PCDHGB2: variants seen among roughly 807,000 people sequenced by gnomAD.
PCDHGB2 encodes protocadherin gamma subfamily B, 2.
In PCDHGB2, 55 loss-of-function variants were observed where a neutral mutation model predicts 59.3. That is an observed-to-expected ratio of 0.93 (90% CI 0.75 to 1.16). The LOEUF (loss-of-function observed/expected upper bound fraction) is 1.16, where lower values mean the gene tolerates loss of function less well. Among genes scored for constraint, PCDHGB2 ranks in the 50% most tolerant of loss-of-function variants. The probability of loss-of-function intolerance (pLI) is 0.00; values close to 1 mark genes in which losing one functional copy is unlikely to be tolerated. For synonymous variants in PCDHGB2, 516 were observed against 512.0 expected, an observed-to-expected ratio of 1.01 and a Z score of -0.11; for missense variants, 1,228 against 1,198.5, an observed-to-expected ratio of 1.02 and a Z score of -0.36.
At position 141,368,129 on chromosome 5, in the gene PCDHGB2, C is replaced by A. The variant is rs1188754487; in HGVS notation, c.2421+5573C>A. ...TGTTTCTTATTAAAATATTCTTAAT[C>A]CTTCAAATTTTGTACTTTTAAAACC... On this transcript the variant is annotated intron_variant, in intron 1 of 3. Transcript: ENST00000522605. Among the ~76,000 whole-genome samples, 9 of 152,216 alleles carry A rather than the reference C, an allele frequency of 5.9e-5. No individual in the cohort carries two copies. In the South Asian group the frequency reaches 1.2e-3, roughly 21 times the overall value.
intron 1 of PCDHGB2, chr5:141,429,167 TATAC>T (rs1240034860): frequency 7.3e-6 from 1 of 136,106 alleles, no homozygotes; most frequent in African/African-American, 2.9e-5. Flanking sequence ...AGACATTGTT[TATAC>T]ACACACACAC....
chr5:141,430,766 C>T, intron 1 of PCDHGB2: 1 of 1,504,534 alleles, frequency 6.6e-7, no homozygotes, highest in Non-Finnish European at 8.9e-7. Context: ...AAGAATGATT[C>T]CTGCGCGACT....
Position 141,485,979 on chromosome 5 carries a change from C to T in PCDHGB2, c.2422-8828C>T. ...CTCATCCAGCTCAATGCCTCAGACC[C>T]GGACCTGGGTCCCAGTGGTAACGTC... is the stretch of plus-strand genomic sequence containing the variant. On this transcript the variant is annotated intron_variant, in intron 1 of 3. Coordinates refer to ENST00000522605, the MANE Select transcript of PCDHGB2 (RefSeq NM_018923.3). The surrounding 1 kb of genome is among the most constrained non-coding windows in gnomAD (Gnocchi z 5.7). The T allele has an allele frequency of 1.2e-6, 2 of 1,614,182 alleles. No individual in the cohort carries two copies. The highest frequency in any genetic ancestry group is 1.7e-6 in the Non-Finnish European group (2 of 1,180,022).
rs760319541 is a variant in PCDHGB2, at chr5:141,477,772, C to T, written c.2422-17035C>T. 1.2e-6 allele frequency: 2 copies of T among 1,614,026 alleles called. No homozygotes were observed. Among genetic ancestry groups the T allele is most frequent in the South Asian group, 1.1e-5 (1 of 91,088 alleles). ...CCCCGGTCCTAGCCACCAACATCAGCGTGAACATATTTGTCACTGATCGCA... is the reference window on the plus strand; with the variant it reads ...CCCCGGTCCTAGCCACCAACATCAGTGTGAACATATTTGTCACTGATCGCA... On this transcript the variant is annotated intron_variant, in intron 1 of 3. Coordinates refer to ENST00000522605, the MANE Select transcript of PCDHGB2 (RefSeq NM_018923.3). This position sits in a 1 kb window ranked among gnomAD's most constrained non-coding sequence, Gnocchi z 4.9.
intron 1 of PCDHGB2, chr5:141,413,000 A>G: frequency 1.7e-6 from 1 of 587,734 alleles, no homozygotes; most frequent in Admixed American, 3.6e-5. Context: ...CCGGATTCTC[A>G]GGGCTTCAAC....
chr5:141,371,978 C>T, intron 1 of PCDHGB2: 3 of 1,613,240 alleles, frequency 1.9e-6, no homozygotes, highest in Non-Finnish European at 2.5e-6. Context: ...TGCGTGCCTT[C>T]GAGCTCACTC....
intron 1 of PCDHGB2, chr5:141,419,497 G>T (rs1357823931): frequency 9.9e-6 from 16 of 1,612,390 alleles, no homozygotes; most frequent in Non-Finnish European, 1.4e-5. Context: ...GCGCCAATGT[G>T]AGCCTGCGCG....
chr5:141,408,958 T>A, intron 1 of PCDHGB2: 8 of 1,613,670 alleles, frequency 5.0e-6, no homozygotes, highest in Non-Finnish European at 6.8e-6. Flanking sequence ...TTAGTCTTAG[T>A]GAAAATCTGC....
At position 141,476,387 on chromosome 5, in the gene PCDHGB2, C is replaced by T. The variant is rs147660262; in HGVS notation, c.2422-18420C>T. The T allele has an allele frequency of 6.2e-6, 10 of 1,613,958 alleles. No homozygotes were observed. Among genetic ancestry groups the T allele is most frequent in the Non-Finnish European group, 7.6e-6 (9 of 1,180,032 alleles). ...GACCGGAGAGATGTTTGTGAACGAC[C>T]GTCTGGATCGAGAGGAGCTGTGTGG... On this transcript the variant is annotated intron_variant, in intron 1 of 3. Coordinates refer to ENST00000522605, the MANE Select transcript of PCDHGB2 (RefSeq NM_018923.3). This position sits in a 1 kb window ranked among gnomAD's most constrained non-coding sequence, Gnocchi z 7.6.
At position 141,512,430 on chromosome 5, in the gene PCDHGB2, CT is replaced by C. The variant is rs1357890225; in HGVS notation, c.*1258del. The C allele has an allele frequency of 1.3e-5, 2 of 152,824 alleles. No homozygotes were observed. Among genetic ancestry groups the C allele is most frequent in the Non-Finnish European group, 2.9e-5 (2 of 68,158 alleles). 9.5% of individuals were successfully genotyped at this position (152,824 alleles called of 1,614,324 possible). On this transcript the variant is annotated 3_prime_UTR_variant, in exon 4 of 4. Coordinates refer to ENST00000522605, the MANE Select transcript of PCDHGB2 (RefSeq NM_018923.3). ...CTTCTTCAACAGGGCCCCTGCCCTCCTGAAGCCTCAGTCCTTCACCTTGCCA... is the reference window on the plus strand; with the variant it reads ...CTTCTTCAACAGGGCCCCTGCCCTCCGAAGCCTCAGTCCTTCACCTTGCCA...
Position 141,490,924 on chromosome 5 carries a change from C to A in PCDHGB2, c.2422-3883C>A. 1 of 1,613,680 alleles carries A rather than the reference C, an allele frequency of 6.2e-7. No individual in the cohort carries two copies. Among genetic ancestry groups the A allele is most frequent in the Non-Finnish European group, 8.5e-7 (1 of 1,179,694 alleles). On this transcript the variant is annotated intron_variant, in intron 1 of 3. Coordinates refer to ENST00000522605, the MANE Select transcript of PCDHGB2 (RefSeq NM_018923.3). The surrounding 1 kb of genome is among the most constrained non-coding windows in gnomAD (Gnocchi z 5.4). ...TGTCCTAGACGAGAATGATAATGCC[C>A]CAGCTGTGCTGCACCCACGGCCAGA...
chr5:141,418,647 G>C, intron 1 of PCDHGB2: 1 of 1,614,034 alleles, frequency 6.2e-7, no homozygotes, highest in Non-Finnish European at 8.5e-7. Flanking sequence ...TCCATCCTGA[G>C]AGTGAAGGCC....
intron 1 of PCDHGB2, among the ~76,000 whole-genome samples, chr5:141,382,170 C>T (rs1056617010): frequency 1.3e-5 from 2 of 151,888 alleles, no homozygotes; most frequent in Non-Finnish European, 2.9e-5. Context: ...GGTGTTAGAC[C>T]GTCTCTAAGG....
chr5:141,400,232 C>T (rs2093984634), intron 1 of PCDHGB2: 1 of 1,614,032 alleles, frequency 6.2e-7, no homozygotes. Context: ...TTCCTCCTGG[C>T]CGTGATTCTG....
intron 2 of PCDHGB2, among the ~76,000 whole-genome samples, chr5:141,503,797 G>A (rs2099831309): frequency 6.6e-6 from 1 of 152,006 alleles, no homozygotes; most frequent in South Asian, 2.1e-4. Context: ...ATCTACTTAG[G>A]GACGGGGAAT....
intron 1 of PCDHGB2, among the ~76,000 whole-genome samples, chr5:141,472,648 C>G (rs762736307): frequency 1.3e-5 from 2 of 151,864 alleles, no homozygotes; most frequent in African/African-American, 4.8e-5. Flanking sequence ...TGTGTTGAAT[C>G]AGTATATAAA....
chr5:141,441,813 A>T, intron 1 of PCDHGB2: 1 of 365,242 alleles, frequency 2.7e-6, no homozygotes, highest in South Asian at 2.3e-5. Context: ...GCTGTACCCC[A>T]GCTCTGGAGC....
Position 141,431,354 on chromosome 5 carries a change from G to A in PCDHGB2, c.2422-63453G>A, listed in dbSNP as rs777198567. On this transcript the variant is annotated intron_variant, in intron 1 of 3. Coordinates refer to ENST00000522605, the MANE Select transcript of PCDHGB2 (RefSeq NM_018923.3). This position sits in a 1 kb window ranked among gnomAD's most constrained non-coding sequence, Gnocchi z 4.8. ...GTACCCCGAATTGGTGCTGAAACGC[G>A]CCCTGGACCGCGAAGAAAAGGCTGC... is the stretch of plus-strand genomic sequence containing the variant. 1 of 1,614,036 alleles carries A rather than the reference G, an allele frequency of 6.2e-7. No homozygotes were observed. Among genetic ancestry groups the A allele is most frequent in the South Asian group, 1.1e-5 (1 of 91,086 alleles).
At chr5:141,396,891 A>G (rs1216083648) in intron 1 of PCDHGB2, among the ~76,000 whole-genome samples, 1 of 152,228 alleles carries the variant, frequency 6.6e-6, no homozygotes, top group Non-Finnish European at 1.5e-5. Flanking sequence ...AGAGGACAAC[A>G]TATTATTGGC....
Sources: gnomAD v4.1 joint callset for allele counts (sites outside exome capture counted in the v4.1 genomes callset) on GRCh38, gnomAD v4.1.1 for gene constraint, Gnocchi (gnomAD v3.1) non-coding constraint, MANE v1.5 for transcripts, NCBI Gene and HGNC (gene_info 2026-07-23, HGNC 2026-07-21) for gene names.